Variants in CADPS observed in about 807,000 individuals in gnomAD.
CADPS encodes calcium dependent secretion activator.
Under a neutral mutation model 167.3 loss-of-function variants are expected in CADPS, and 57 were observed. The ratio of observed to expected loss-of-function variants is 0.34; its 90% CI spans 0.28 to 0.42. CADPS has a LOEUF of 0.42. CADPS is among the 20% of genes least tolerant of loss of function. The pLI is 1.00. For synonymous variants in CADPS, 676 were observed against 635.3 expected, an observed-to-expected ratio of 1.06 and a Z score of -0.96; for missense variants, 1,414 against 1,738.1, an observed-to-expected ratio of 0.81 and a Z score of 3.32.
intron 1 of CADPS, among the ~76,000 whole-genome samples, chr3:62,810,282 G>A (rs1365295293): frequency 6.6e-6 from 1 of 152,092 alleles, no homozygotes; most frequent in African/African-American, 2.4e-5. Flanking sequence ...AGGTAAAGAC[G>A]ATAATGTTAT....
At chr3:62,697,464 T>A (rs2080534159) in intron 3 of CADPS, among the ~76,000 whole-genome samples, 1 of 152,076 alleles carries the variant, frequency 6.6e-6, no homozygotes, top group Admixed American at 6.6e-5. Context: ...CTGAGTAGCA[T>A]TCTATCGTAT....
At chr3:62,516,430 G>T (rs2069017644) in intron 15 of CADPS, 150 bp downstream of exon 15, 1 of 738,270 alleles carries the variant, frequency 1.4e-6, no homozygotes, top group Non-Finnish European at 2.2e-6. Context: ...CAAGAGTTTT[G>T]GCAGTTTCCT....
intron 9 of CADPS, among the ~76,000 whole-genome samples, chr3:62,558,633 C>T (rs1286150355): frequency 2.6e-5 from 4 of 152,130 alleles, no homozygotes; most frequent in Admixed American, 6.5e-5. Context: ...AAGAAATTGA[C>T]GCTCTCGAGT....
chr3:62,422,720 T>C (rs902452622), intron 28 of CADPS, among the ~76,000 whole-genome samples: 1 of 152,240 alleles, frequency 6.6e-6, no homozygotes. Flanking sequence ...TGTATAACCA[T>C]GTTATTCTAT....
intron 3 of CADPS, among the ~76,000 whole-genome samples, chr3:62,692,588 C>T (rs747281974): frequency 8.5e-5 from 13 of 152,064 alleles, no homozygotes; most frequent in Non-Finnish European, 1.8e-4. Flanking sequence ...CTATCACAAA[C>T]ATAAATCTGC....
At chr3:62,558,293 T>C (rs1487330702) in intron 9 of CADPS, among the ~76,000 whole-genome samples, 1 of 152,222 alleles carries the variant, frequency 6.6e-6, no homozygotes, top group Non-Finnish European at 1.5e-5. Context: ...ACCATGCCAG[T>C]GCAGGGCGGG....
chr3:62,484,719 G>A (rs952117375), intron 21 of CADPS, among the ~76,000 whole-genome samples: 7 of 152,252 alleles, frequency 4.6e-5, no homozygotes, highest in Admixed American at 3.3e-4. Context: ...ATGAGTGGAG[G>A]TGAAGTCATT....
intron 17 of CADPS, among the ~76,000 whole-genome samples, chr3:62,511,700 GT>G (rs1409616718): frequency 6.6e-6 from 1 of 151,870 alleles, no homozygotes; most frequent in African/African-American, 2.4e-5. Context: ...GACTTCCATG[GT>G]TTTCTGACAA....
chr3:62,516,619 A>G lies in CADPS; in HGVS notation c.2418T>C (p.Pro806=). ...HFRYCFPFGR[P]EGALKATLSL... ...AGAGAGTAGCTTTCAAAGCACCTTC[A>G]GGTCGACCAAATGGAAAGCAATACC... Residue 806 remains proline, a synonymous_variant, in exon 15 of 30, where the codon CCT becomes CCC. Coordinates refer to ENST00000383710, the MANE Select transcript of CADPS (RefSeq NM_003716.4). The G allele has an allele frequency of 1.2e-6, 2 of 1,604,550 alleles. No homozygotes were observed. Among genetic ancestry groups the G allele is most frequent in the Admixed American group, 1.7e-5 (1 of 59,658 alleles).
intron 3 of CADPS, among the ~76,000 whole-genome samples, chr3:62,742,802 G>A (rs1238546589): frequency 3.3e-5 from 5 of 152,144 alleles, no homozygotes; most frequent in African/African-American, 1.2e-4. Context: ...AAAAGCTTCT[G>A]CATAGCAAAA....
At chr3:62,771,218 T>C in intron 1 of CADPS, among the ~76,000 whole-genome samples, 1 of 152,240 alleles carries the variant, frequency 6.6e-6, no homozygotes, top group South Asian at 2.1e-4. Context: ...GAATGTTTGC[T>C]GAGTGAATAC....
At chr3:62,572,724 T>C (rs2081517545) in intron 8 of CADPS, among the ~76,000 whole-genome samples, 1 of 152,178 alleles carries the variant, frequency 6.6e-6, no homozygotes, top group African/African-American at 2.4e-5. Flanking sequence ...ATGTAGCACA[T>C]ATTAAAATAC....
rs1009102974 is a variant in CADPS, at chr3:62,722,833, G to A, written c.888+30608C>T. 5.9e-5 allele frequency among the ~76,000 whole-genome samples: 9 copies of A among 152,256 alleles called. No individual in the cohort carries two copies. The South Asian group carries it at 1.2e-3, about 21-fold the overall frequency. On this transcript the variant is annotated intron_variant, in intron 3 of 29. Coordinates refer to ENST00000383710, the MANE Select transcript of CADPS (RefSeq NM_003716.4). ...TTGTGGGGGTGTGTCTGTGTGCGTG[G>A]TGGGGGCCGTGAGGGTCCTGTGCTC...
At chr3:62,521,512 G>A (rs562868234) in intron 13 of CADPS, among the ~76,000 whole-genome samples, 5 of 152,282 alleles carry the variant, frequency 3.3e-5, no homozygotes, top group African/African-American at 9.6e-5. Context: ...TTCTACAACT[G>A]TCTTAAAACT....
intron 7 of CADPS, among the ~76,000 whole-genome samples, chr3:62,591,260 G>A (rs1194474084): frequency 6.6e-6 from 1 of 152,164 alleles, no homozygotes; most frequent in Non-Finnish European, 1.5e-5. Flanking sequence ...AGTCCAGTGG[G>A]GCAGACAGAA....
At chr3:62,481,098 T>C (rs2061953491) in intron 22 of CADPS, among the ~76,000 whole-genome samples, 1 of 152,246 alleles carries the variant, frequency 6.6e-6, no homozygotes, top group South Asian at 2.1e-4. Context: ...GAACTTCTCA[T>C]TACCTAGCTC....
rs144076874 is a variant in CADPS, at chr3:62,790,023, A to T, written c.442-24039T>A. Among the ~76,000 whole-genome samples, 1,078 of 152,286 alleles carry T rather than the reference A, an allele frequency of 7.1e-3. 15 individuals are homozygous for T. The highest frequency in any genetic ancestry group is 0.025 in the African/African-American group (1,035 of 41,558). On this transcript the variant is annotated intron_variant, in intron 1 of 29. Transcript: ENST00000383710. ...TATATATTGTCTTTTAGGTACATGAATACAAGCTTTTTGGAGGAAAATTTG... is the reference window on the plus strand; with the variant it reads ...TATATATTGTCTTTTAGGTACATGATTACAAGCTTTTTGGAGGAAAATTTG...
chr3:62,599,521 T>A (rs1385452631), intron 6 of CADPS, among the ~76,000 whole-genome samples: 1 of 102,010 alleles, frequency 9.8e-6, no homozygotes. Flanking sequence ...ATATATATAT[T>A]ACATATATAT....
At chr3:62,745,690 C>T (rs1451979938) in intron 3 of CADPS, among the ~76,000 whole-genome samples, 2 of 152,190 alleles carry the variant, frequency 1.3e-5, no homozygotes, top group Non-Finnish European at 2.9e-5. Context: ...CACTGCTGCA[C>T]TTTGTTGAAC....
Sources: allele counts gnomAD v4.1 joint callset (sites outside exome capture counted in the v4.1 genomes callset), GRCh38; gene constraint gnomAD v4.1.1; transcripts MANE v1.5; gene names NCBI Gene and HGNC (gene_info 2026-07-23, HGNC 2026-07-21).